The following PAX5 variants were observed in gnomAD, a reference collection of about 807,000 sequenced individuals.
PAX5 encodes paired box 5.
A neutral mutation model predicts 43.7 loss-of-function variants in PAX5; 9 were observed. The ratio of observed to expected loss-of-function variants is 0.21; its 90% CI spans 0.12 to 0.36. The LOEUF (loss-of-function observed/expected upper bound fraction) is 0.36. Ranked by LOEUF, PAX5 falls within the 10% of genes least tolerant of loss-of-function variation. The pLI is 1.00. For synonymous variants in PAX5, 228 were observed against 214.3 expected, an observed-to-expected ratio of 1.06 and a Z score of -0.56; for missense variants, 383 against 532.7, an observed-to-expected ratio of 0.72 and a Z score of 2.77.
chr9:36,866,165 G>A (rs73648158), intron 8 of PAX5, among the ~76,000 whole-genome samples: 3,782 of 152,318 alleles, frequency 0.025, 162 homozygotes, highest in African/African-American at 0.084. Flanking sequence ...GAAGAAGCGC[G>A]GGCGGGCCGG....
At chr9:37,023,858 C>A (rs551544138) in intron 1 of PAX5, among the ~76,000 whole-genome samples, 1 of 152,258 alleles carries the variant, frequency 6.6e-6, no homozygotes, top group Admixed American at 6.5e-5. Flanking sequence ...GAAGAAGTCT[C>A]CCTAATGGTA....
Position 37,006,457 on chromosome 9 carries a change from T to A in PAX5, c.475+16A>T, listed in dbSNP as rs1392383127. On this transcript the variant is annotated intron_variant, in intron 4 of 9. Transcript: ENST00000358127. The stretch of plus-strand genomic sequence containing the variant: ...GCCCATTAGATTTTTAAATTTTTTT[T>A]AAAAGTTCCTCTTACCTATGCTGTG... 6.2e-6 allele frequency: 10 copies of A among 1,603,780 alleles called. No homozygotes were observed. In the Admixed American group the frequency reaches 6.7e-5, roughly 11 times the overall value.
intron 8 of PAX5, among the ~76,000 whole-genome samples, chr9:36,877,372 G>A (rs915018890): frequency 1.3e-5 from 2 of 152,112 alleles, no homozygotes; most frequent in Non-Finnish European, 2.9e-5. Flanking sequence ...AGAAGTGAAA[G>A]TAGTGGCAGC....
intron 7 of PAX5, among the ~76,000 whole-genome samples, chr9:36,922,414 G>A (rs994012260): frequency 7.9e-5 from 12 of 152,178 alleles, no homozygotes; most frequent in South Asian, 2.1e-4. Flanking sequence ...GTACCCGAGC[G>A]GGCCTCCTGC....
rs529424790 is a variant in PAX5, at chr9:36,933,539, G to A, written c.781-10055C>T. 2.4e-4 allele frequency among the ~76,000 whole-genome samples: 36 copies of A among 152,256 alleles called. 1 individual carries two copies. In the South Asian group the frequency reaches 6.8e-3, roughly 29 times the overall value. Reference sequence around the variant, plus strand: ...AGAGGGGAGCCCTGCTGCCCACCCCGTGTGCAGCACTGGTCCCCTACCTGG... The same window carrying A: ...AGAGGGGAGCCCTGCTGCCCACCCCATGTGCAGCACTGGTCCCCTACCTGG... On this transcript the variant is annotated intron_variant, in intron 6 of 9. Coordinates refer to ENST00000358127, the MANE Select transcript of PAX5 (RefSeq NM_016734.3).
rs370548839 is a variant in PAX5 at position 36,996,714 on chromosome 9, T to C, written c.604+5934A>G. Among the ~76,000 whole-genome samples the C allele has an allele frequency of 9.3e-4, 142 of 152,334 alleles. 8 individuals are homozygous for C. The South Asian group carries it at 0.028, about 30-fold the overall frequency. On this transcript the variant is annotated intron_variant, in intron 5 of 9. Transcript: ENST00000358127. ...AGGGGCCCAGGGCCCCAGCACGGTC[T>C]GTGAGCTTCTGAAGCCCCTTCCCTC...
chr9:36,845,295 C>A (rs991587058), intron 9 of PAX5, among the ~76,000 whole-genome samples: 4 of 152,182 alleles, frequency 2.6e-5, no homozygotes, highest in South Asian at 2.1e-4. Context: ...ATCTCCCTAC[C>A]CCCACCCCTG....
intron 8 of PAX5, among the ~76,000 whole-genome samples, chr9:36,866,161 G>T (rs1333043791): frequency 6.6e-6 from 1 of 152,238 alleles, no homozygotes; most frequent in Non-Finnish European, 1.5e-5. Flanking sequence ...GGCTGAAGAA[G>T]CGCGGGCGGG....
chr9:36,959,394 C>A (rs182359985), intron 6 of PAX5, among the ~76,000 whole-genome samples: 39 of 152,346 alleles, frequency 2.6e-4, no homozygotes, highest in African/African-American at 7.7e-4. Flanking sequence ...TTAGTGAGTT[C>A]TTTTAGCCTG....
chr9:36,923,044 C>T (rs966631060), intron 7 of PAX5: 2 of 327,628 alleles, frequency 6.1e-6, no homozygotes, highest in East Asian at 4.9e-5. Context: ...AAACCCTAGG[C>T]CTCTGAACAC....
At chr9:36,868,424 CA>C (rs1159511527) in intron 8 of PAX5, among the ~76,000 whole-genome samples, 3 of 152,224 alleles carry the variant, frequency 2.0e-5, no homozygotes, top group African/African-American at 4.8e-5. Context: ...TATGGCAGAC[CA>C]TGGGCAGTGC....
intron 6 of PAX5, among the ~76,000 whole-genome samples, chr9:36,945,303 A>G (rs112669945): frequency 0.011 from 1,737 of 152,188 alleles, 34 homozygotes; most frequent in African/African-American, 0.041. Flanking sequence ...GTACAGTGGC[A>G]CAATCATGAC....
chr9:37,002,580 C>T (rs759797415), intron 5 of PAX5, 68 bp downstream of exon 5: 11 of 1,547,240 alleles, frequency 7.1e-6, no homozygotes, highest in African/African-American at 1.4e-5. Context: ...TGCTGCCACC[C>T]GCGACCGAGC....
At chr9:36,898,672 TCATGTGGTTTGCC>T (rs1327447961) in intron 7 of PAX5, among the ~76,000 whole-genome samples, 1 of 152,220 alleles carries the variant, frequency 6.6e-6, no homozygotes. Flanking sequence ...AGATGGGATC[TCATGTGGTTTGCC>T]CGCTCTCCGA....
chr9:36,888,570 C>T (rs980585214), intron 7 of PAX5, among the ~76,000 whole-genome samples: 1 of 152,138 alleles, frequency 6.6e-6, no homozygotes, highest in African/African-American at 2.4e-5. Context: ...CCAAGATAGG[C>T]AAATCTACCG....
At chr9:37,000,188 T>G (rs1375083901) in intron 5 of PAX5, among the ~76,000 whole-genome samples, 1 of 152,092 alleles carries the variant, frequency 6.6e-6, no homozygotes, top group East Asian at 1.9e-4. Context: ...AAGGGGGCAC[T>G]TATGCAATAC....
intron 5 of PAX5, among the ~76,000 whole-genome samples, chr9:37,001,251 G>C (rs1364342856): frequency 6.6e-6 from 1 of 152,178 alleles, no homozygotes; most frequent in Non-Finnish European, 1.5e-5. Flanking sequence ...CATCAAACTA[G>C]CTTTTCTCTT....
intron 6 of PAX5, among the ~76,000 whole-genome samples, chr9:36,932,270 T>C (rs2132017917): frequency 6.6e-6 from 1 of 152,276 alleles, no homozygotes; most frequent in South Asian, 2.1e-4. Flanking sequence ...CTCAAAAAAA[T>C]AATAAAAGAT....
At chr9:37,001,376 C>T (rs1388873448) in intron 5 of PAX5, among the ~76,000 whole-genome samples, 1 of 152,160 alleles carries the variant, frequency 6.6e-6, no homozygotes, top group African/African-American at 2.4e-5. Flanking sequence ...GCTGCGAGTC[C>T]AGGTGACAAT....
Sources: allele counts gnomAD v4.1 joint callset (sites outside exome capture counted in the v4.1 genomes callset), GRCh38; gene constraint gnomAD v4.1.1; transcripts MANE v1.5; gene names NCBI Gene and HGNC (gene_info 2026-07-23, HGNC 2026-07-21).